The following JMJD1C variants were observed in gnomAD, a reference collection of about 807,000 sequenced individuals.
The protein encoded by JMJD1C is jumonji domain-containing protein 1C.
A neutral mutation model predicts 245.3 loss-of-function variants in JMJD1C; 31 were observed. The ratio of observed to expected loss-of-function variants is 0.13; its 90% CI spans 0.09 to 0.17. JMJD1C has a LOEUF of 0.17. Among genes scored for constraint, JMJD1C ranks in the 10% least tolerant of loss-of-function variants. The probability of loss-of-function intolerance (pLI) is 1.00; values close to 1 mark genes in which losing one functional copy is unlikely to be tolerated. For synonymous variants in JMJD1C, 1,057 were observed against 1,017.4 expected (o/e 1.04, Z -0.74); for missense variants, 2,691 against 3,000.2 (o/e 0.90, Z 2.41).
At chr10:63,429,478 C>T (rs1950625124) in intron 1 of JMJD1C, among the ~76,000 whole-genome samples, 1 of 152,132 alleles carries the variant, frequency 6.6e-6, no homozygotes, top group African/African-American at 2.4e-5. Flanking sequence ...TAGTCACAGC[C>T]CCTAACATGA....
At chr10:63,353,557 C>T (rs1944540098) in intron 2 of JMJD1C, among the ~76,000 whole-genome samples, 1 of 152,126 alleles carries the variant, frequency 6.6e-6, no homozygotes, top group Non-Finnish European at 1.5e-5. Flanking sequence ...ACTCTATCAC[C>T]CAGGCTGGAG....
At chr10:63,288,551 C>T (rs968040668) in intron 2 of JMJD1C, among the ~76,000 whole-genome samples, 8 of 152,162 alleles carry the variant, frequency 5.3e-5, no homozygotes, top group Admixed American at 1.3e-4. Flanking sequence ...CTGTTCATGT[C>T]TTTTGCCCAT....
intron 3 of JMJD1C, among the ~76,000 whole-genome samples, chr10:63,233,701 T>C (rs1435590552): frequency 2.7e-5 from 4 of 150,620 alleles, no homozygotes; most frequent in Non-Finnish European, 5.9e-5. Flanking sequence ...ATTTTATATA[T>C]ATATGTATCT....
chr10:63,401,901 G>A (rs922662468), intron 1 of JMJD1C, among the ~76,000 whole-genome samples: 12 of 152,204 alleles, frequency 7.9e-5, no homozygotes, highest in South Asian at 2.1e-4. Context: ...TTGGGAGGCC[G>A]AGGCAGGCAG....
chr10:63,273,081 T>C (rs1856483301), intron 2 of JMJD1C, among the ~76,000 whole-genome samples: 1 of 152,244 alleles, frequency 6.6e-6, no homozygotes, highest in South Asian at 2.1e-4. Context: ...TGAATTAAAA[T>C]AAGACTGGCT....
chr10:63,402,549 T>C (rs1948930640), intron 1 of JMJD1C, among the ~76,000 whole-genome samples: 1 of 152,156 alleles, frequency 6.6e-6, no homozygotes, highest in South Asian at 2.1e-4. Context: ...TCATGCCACT[T>C]TGGGATAGAA....
At chr10:63,209,448 A>C (rs770312396) in intron 8 of JMJD1C, among the ~76,000 whole-genome samples, 5 of 152,212 alleles carry the variant, frequency 3.3e-5, no homozygotes, top group African/African-American at 9.6e-5. Flanking sequence ...TCCATATCAT[A>C]ATCAGTATTA....
At chr10:63,274,277 A>C (rs960899823) in intron 2 of JMJD1C, among the ~76,000 whole-genome samples, 3 of 152,212 alleles carry the variant, frequency 2.0e-5, no homozygotes, top group African/African-American at 4.8e-5. Flanking sequence ...TAAGTTTTTA[A>C]CAGTAGGTCA....
At chr10:63,464,560 T>C (rs1425572262) in intron 1 of JMJD1C, among the ~76,000 whole-genome samples, 1 of 152,170 alleles carries the variant, frequency 6.6e-6, no homozygotes, top group Non-Finnish European at 1.5e-5. Context: ...CCATGTCTTG[T>C]CTCTACTCCG....
In JMJD1C at chr10:63,214,917, T is replaced by C; in HGVS notation, c.1250A>G (p.His417Arg). The change falls in exon 8 of 26, where the codon CAT becomes CGT. Residue 417 changes from histidine to arginine, a missense_variant. Around this residue, in one of 9 missense-constraint regions of JMJD1C, gnomAD observed 1,562 missense variants for 1,490.7 expected, o/e 1.05. Coordinates refer to ENST00000399262, the MANE Select transcript of JMJD1C (RefSeq NM_032776.3). ...CTCTTCTCCTGCCTTCTCATTATTA[T>C]GGGGTTTTCCTTCTTCTCCATTTAT... ...SKINGEEGKP[H>R]NNEKAGEETL... 1 of 1,611,282 alleles carries C rather than the reference T, an allele frequency of 6.2e-7. No individual in the cohort carries two copies. Among genetic ancestry groups the C allele is most frequent in the South Asian group, 1.1e-5 (1 of 90,600 alleles).
intron 1 of JMJD1C, among the ~76,000 whole-genome samples, chr10:63,434,617 C>A (rs1437842901): frequency 6.6e-6 from 1 of 152,010 alleles, no homozygotes; most frequent in Non-Finnish European, 1.5e-5. Context: ...GTGGCTCACG[C>A]AGTAAACCCT....
chr10:63,465,370 C>CGG, intron 1 of JMJD1C, 125 bp downstream of exon 1: 1 of 1,009,562 alleles, frequency 9.9e-7, no homozygotes, highest in Non-Finnish European at 1.4e-6. Flanking sequence ...GCCAAGGGTT[C>CGG]AGCAGAGGGG....
chr10:63,439,085 T>C (rs1951216098), intron 1 of JMJD1C, among the ~76,000 whole-genome samples: 1 of 152,192 alleles, frequency 6.6e-6, no homozygotes, highest in Non-Finnish European at 1.5e-5. Flanking sequence ...CCCCTCATAC[T>C]TCAATCTTTA....
intron 1 of JMJD1C, among the ~76,000 whole-genome samples, chr10:63,433,154 C>T (rs1363958546): frequency 2.6e-5 from 4 of 151,586 alleles, no homozygotes; most frequent in African/African-American, 4.9e-5. Context: ...TGCAATGCCG[C>T]GATCTGGGCT....
chr10:63,408,277 C>T (rs184958884), intron 1 of JMJD1C, among the ~76,000 whole-genome samples: 3 of 152,120 alleles, frequency 2.0e-5, no homozygotes, highest in African/African-American at 4.8e-5. Flanking sequence ...GAGGCGGGCG[C>T]CTGTAATCCC....
chr10:63,362,445 T>C (rs1201088332), intron 2 of JMJD1C, among the ~76,000 whole-genome samples: 1 of 145,762 alleles, frequency 6.9e-6, no homozygotes, highest in Non-Finnish European at 1.5e-5. Flanking sequence ...ATAGTTTAAA[T>C]AGTTCAGTTA....
chr10:63,324,545 G>T (rs887389267), intron 2 of JMJD1C, among the ~76,000 whole-genome samples: 1 of 152,122 alleles, frequency 6.6e-6, no homozygotes, highest in African/African-American at 2.4e-5. Flanking sequence ...AAGCCTAGAG[G>T]AAAGAAAGAT....
At chr10:63,469,000 A>G (rs941666641), upstream of JMJD1C, among the ~76,000 whole-genome samples, 21 of 152,106 alleles carry the variant, frequency 1.4e-4, no homozygotes, top group African/African-American at 4.6e-4. Context: ...TGTTTTTTTA[A>G]AAAACTGACT....
intron 1 of JMJD1C, among the ~76,000 whole-genome samples, chr10:63,389,896 G>A (rs1028149853): frequency 6.6e-6 from 1 of 152,064 alleles, no homozygotes; most frequent in African/African-American, 2.4e-5. Context: ...TAATAAAGTA[G>A]TGCTAAGATG....
Sources: gnomAD v4.1 joint callset for allele counts (sites outside exome capture counted in the v4.1 genomes callset) on GRCh38, gnomAD v4.1.1 for gene constraint, gnomAD v4.1.1 regional missense constraint, MANE v1.5 for transcripts, NCBI Gene and HGNC (gene_info 2026-07-23, HGNC 2026-07-21) for gene names.